Variants in PRRC2B observed in about 807,000 individuals in gnomAD.
PRRC2B encodes protein PRRC2B.
A neutral mutation model predicts 242.3 loss-of-function variants in PRRC2B; 68 were observed. The ratio of observed to expected loss-of-function variants is 0.28; its 90% confidence interval spans 0.23 to 0.34. The LOEUF (loss-of-function observed/expected upper bound fraction) is 0.34, where lower values mean the gene tolerates loss of function less well. PRRC2B is among the 10% of genes least tolerant of loss of function. The pLI is 1.00. For synonymous variants in PRRC2B, 1,228 were observed against 1,173.6 expected (o/e 1.05, Z -0.95); for missense variants, 2,835 against 2,954.8 (o/e 0.96, Z 0.94).
In PRRC2B at chr9:131,478,539, G is replaced by A. The variant is rs1163579618; in HGVS notation, c.4678G>A (p.Glu1560Lys). 4.3e-6 allele frequency: 7 copies of A among 1,609,428 alleles called. No homozygotes were observed. Among genetic ancestry groups the A allele is most frequent in the Admixed American group, 1.7e-5 (1 of 59,792 alleles). ...GAGTGAGGTGGGTTCTATGGTGGGCGAAGGCTTCATCGAAGTCCTGACCAA... is the reference window on the plus strand; with the variant it reads ...GAGTGAGGTGGGTTCTATGGTGGGCAAAGGCTTCATCGAAGTCCTGACCAA... ...EESEVGSMVG[E>K]GFIEVLTKKQ... Residue 1560 changes from glutamate to lysine, a missense_variant, in exon 18 of 32, where the codon GAA becomes AAA. By Grantham distance (56) the Glu-to-Lys change is moderately conservative. Around this residue, in one of 7 missense-constraint regions of PRRC2B, gnomAD observed 1,536 missense variants for 1,483.1 expected, o/e 1.04. Transcript: ENST00000683519.
At chr9:131,435,915 A>G (rs1423359822) in intron 3 of PRRC2B, among the ~76,000 whole-genome samples, 1 of 152,164 alleles carries the variant, frequency 6.6e-6, no homozygotes, top group Non-Finnish European at 1.5e-5. Flanking sequence ...GGTATAGAAA[A>G]GTCTGCTTGG....
intron 17 of PRRC2B, 24 bp from the exon 18 acceptor site, chr9:131,478,449 TC>T: frequency 6.2e-7 from 1 of 1,610,990 alleles, no homozygotes; most frequent in South Asian, 1.1e-5. Flanking sequence ...GAAAGACTGT[TC>T]CTTCTCGTGA....
At chr9:131,384,338 G>A (rs1337102656) in intron 1 of PRRC2B, among the ~76,000 whole-genome samples, 1 of 151,454 alleles carries the variant, frequency 6.6e-6, no homozygotes, top group Non-Finnish European at 1.5e-5. Context: ...GCTTAAGTGT[G>A]GTGGCACGAT....
At chr9:131,463,941 C>CTTT (rs112198206) in intron 11 of PRRC2B, among the ~76,000 whole-genome samples, 4 of 140,646 alleles carry the variant, frequency 2.8e-5, no homozygotes, top group African/African-American at 7.9e-5. Flanking sequence ...GCTAGACATG[C>CTTT]TTTTTTTTTT....
intron 3 of PRRC2B, among the ~76,000 whole-genome samples, chr9:131,434,670 G>A (rs1235771868): frequency 6.6e-6 from 1 of 152,198 alleles, no homozygotes; most frequent in African/African-American, 2.4e-5. Flanking sequence ...CTTGGAAGAG[G>A]GTGTCTGTAT....
At chr9:131,438,541 T>C (rs896145588) in intron 4 of PRRC2B, among the ~76,000 whole-genome samples, 1 of 152,154 alleles carries the variant, frequency 6.6e-6, no homozygotes, top group South Asian at 2.1e-4. Flanking sequence ...AGATCTGGCA[T>C]GTTGGCCTTC....
intron 16 of PRRC2B, among the ~76,000 whole-genome samples, chr9:131,477,205 T>A (rs1003032296): frequency 6.6e-6 from 1 of 152,224 alleles, no homozygotes; most frequent in East Asian, 1.9e-4. Flanking sequence ...GTGCAGGGGC[T>A]GCTGAGGCCT....
intron 1 of PRRC2B, among the ~76,000 whole-genome samples, chr9:131,407,480 G>C (rs1837397327): frequency 6.6e-6 from 1 of 152,196 alleles, no homozygotes; most frequent in Non-Finnish European, 1.5e-5. Flanking sequence ...CCTTGGCGTA[G>C]TAATCCCTGG....
rs373924130 is a variant in PRRC2B, at chr9:131,447,140, C to G, written c.911C>G (p.Pro304Arg). 1 of 1,613,952 alleles carries G rather than the reference C, an allele frequency of 6.2e-7. No homozygotes were observed. Among genetic ancestry groups the G allele is most frequent in the African/African-American group, 1.3e-5 (1 of 75,036 alleles). The stretch of plus-strand genomic sequence containing the variant: ...GGTACAGTGGAACGAGGCTCTTTTC[C>G]CCTTCCTCAGCTCCGCCTTGAACCT... The part of the protein sequence containing the change: ...NQGTVERGSF[P>R]LPQLRLEPRV... Residue 304 changes from proline to arginine, a missense_variant, in exon 8 of 32, where the codon CCC (proline) becomes CGC (arginine). By Grantham distance (103) the Pro-to-Arg change is moderately radical. Around this residue, in one of 7 missense-constraint regions of PRRC2B, gnomAD observed 626 missense variants for 685.5 expected, o/e 0.91. Coordinates refer to ENST00000683519, the MANE Select transcript of PRRC2B (RefSeq NM_013318.4).
intron 1 of PRRC2B, among the ~76,000 whole-genome samples, chr9:131,410,686 G>GT (rs1237971119): frequency 6.6e-6 from 1 of 152,104 alleles, no homozygotes; most frequent in Non-Finnish European, 1.5e-5. Flanking sequence ...TATCTATTTT[G>GT]TTTCTTCGTT....
intron 1 of PRRC2B, among the ~76,000 whole-genome samples, chr9:131,413,273 G>T (rs1837552211): frequency 1.3e-5 from 2 of 152,074 alleles, no homozygotes; most frequent in Non-Finnish European, 2.9e-5. Flanking sequence ...CTTTTAAAAA[G>T]TTCTAAGTTC....
intron 10 of PRRC2B, among the ~76,000 whole-genome samples, 156 bp from the exon 11 acceptor site, chr9:131,459,008 G>A (rs371618905): frequency 1.3e-5 from 2 of 152,170 alleles, no homozygotes; most frequent in African/African-American, 4.8e-5. Context: ...GGGCTGAACC[G>A]TGGAATTCAC....
At chr9:131,426,498 A>G (rs1190407420) in intron 1 of PRRC2B, among the ~76,000 whole-genome samples, 1 of 152,110 alleles carries the variant, frequency 6.6e-6, no homozygotes, top group African/African-American at 2.4e-5. Context: ...GCTCTTATTA[A>G]TTATGACTTT....
intron 4 of PRRC2B, among the ~76,000 whole-genome samples, chr9:131,438,552 T>C (rs1328467299): frequency 2.6e-5 from 4 of 152,150 alleles, no homozygotes; most frequent in Non-Finnish European, 4.4e-5. Context: ...GTTGGCCTTC[T>C]TTGTTCACGT....
intron 1 of PRRC2B, among the ~76,000 whole-genome samples, chr9:131,388,558 CTTT>C (rs1406408405): frequency 6.8e-6 from 1 of 147,370 alleles, no homozygotes; most frequent in Non-Finnish European, 1.5e-5. Flanking sequence ...CTTTTCTTTT[CTTT>C]TGAGACAGAG....
chr9:131,404,715 G>A (rs1275214336), intron 1 of PRRC2B, among the ~76,000 whole-genome samples: 1 of 152,172 alleles, frequency 6.6e-6, no homozygotes, highest in East Asian at 1.9e-4. Context: ...ATGTCTCAGC[G>A]TGCTCCCTGA....
Position 131,487,949 on chromosome 9 carries a change from A to G in PRRC2B, c.6078A>G (p.Pro2026=), listed in dbSNP as rs1302654344. 2 of 1,613,424 alleles carry G rather than the reference A, an allele frequency of 1.2e-6. No individual in the cohort carries two copies. Among genetic ancestry groups the G allele is most frequent in the Admixed American group, 1.7e-5 (1 of 59,930 alleles). ...TALKPPYSAF[P]GMQPLEMVKP... Reference sequence around the variant, plus strand: ...TGAAGCCTCCATACTCGGCGTTCCCAGGCATGCAGCCCTTGGAGATGGTGA... The same window carrying G: ...TGAAGCCTCCATACTCGGCGTTCCCGGGCATGCAGCCCTTGGAGATGGTGA... The change falls in exon 28 of 32, where the codon CCA becomes CCG. Residue 2026 remains proline (P), a synonymous_variant. Transcript: ENST00000683519. This position sits in a 1 kb window ranked among gnomAD's most constrained non-coding sequence, Gnocchi z 5.3.
At chr9:131,465,426 TGGTGAG>T (rs1943367423) in intron 12 of PRRC2B, among the ~76,000 whole-genome samples, 1 of 152,170 alleles carries the variant, frequency 6.6e-6, no homozygotes, top group Admixed American at 6.5e-5. Context: ...TTAAACTAGC[TGGTGAG>T]CACCTCACCT....
chr9:131,491,606 C>T (rs775130171), intron 29 of PRRC2B, 26 bp downstream of exon 29: 3 of 1,584,750 alleles, frequency 1.9e-6, no homozygotes, highest in East Asian at 2.3e-5. Context: ...CTGCCTCTGA[C>T]CCTAGGGAGG....
Sources: gnomAD v4.1 joint callset for allele counts (sites outside exome capture counted in the v4.1 genomes callset) on GRCh38, gnomAD v4.1.1 for gene constraint, gnomAD v4.1.1 regional missense constraint, Gnocchi (gnomAD v3.1) non-coding constraint, MANE v1.5 for transcripts, NCBI Gene and HGNC (gene_info 2026-07-23, HGNC 2026-07-21) for gene names.